TMEM182: variants seen among roughly 807,000 people sequenced by gnomAD.
The protein encoded by TMEM182 is transmembrane protein 182.
A neutral mutation model predicts 26.8 loss-of-function variants in TMEM182; 20 were observed. The ratio of observed to expected loss-of-function variants is 0.75; its 90% confidence interval spans 0.53 to 1.09. The LOEUF (loss-of-function observed/expected upper bound fraction) is 1.09. TMEM182 is among the 50% of genes least tolerant of loss of function. The pLI is 0.00. For synonymous variants in TMEM182, 109 were observed against 102.2 expected (o/e 1.07, Z -0.40); for missense variants, 277 against 275.5 (o/e 1.01, Z -0.04).
At chr2:102,785,422 A>G (rs1681349207) in intron 3 of TMEM182, among the ~76,000 whole-genome samples, 1 of 152,212 alleles carries the variant, frequency 6.6e-6, no homozygotes, top group African/African-American at 2.4e-5. Context: ...GACGATAGCC[A>G]TCTAATTGTA....
intron 4 of TMEM182, among the ~76,000 whole-genome samples, chr2:102,802,641 G>A (rs764300590): frequency 2.0e-5 from 3 of 152,198 alleles, no homozygotes; most frequent in Non-Finnish European, 2.9e-5. Flanking sequence ...GGAAGTGTTA[G>A]GATGGGTAGG....
At position 102,815,214 on chromosome 2, in the gene TMEM182, T is replaced by C; in HGVS notation, c.*246T>C. On this transcript the variant is annotated 3_prime_UTR_variant, in exon 5 of 5. Transcript: ENST00000412401. Reference sequence around the variant, plus strand: ...TCTTTAGGGAATAGGTAAACAGGTCTCCCTTTCATTGAACATGTTAGAGTT... The same window carrying C: ...TCTTTAGGGAATAGGTAAACAGGTCCCCCTTTCATTGAACATGTTAGAGTT... 2 of 1,292,432 alleles carry C rather than the reference T, an allele frequency of 1.5e-6. No homozygotes were observed. Among genetic ancestry groups the C allele is most frequent in the Non-Finnish European group, 2.0e-6 (2 of 1,018,676 alleles). The allele number at this position is 1,292,432 out of a possible 1,614,324, so 80.1% of individuals were successfully genotyped here.
intron 1 of TMEM182, among the ~76,000 whole-genome samples, chr2:102,743,382 C>A (rs1415483615): frequency 6.6e-6 from 1 of 152,074 alleles, no homozygotes; most frequent in Non-Finnish European, 1.5e-5. Flanking sequence ...CCTGTAGTCC[C>A]AGCTACTCGG....
At chr2:102,763,252 C>T (rs934440924) in intron 2 of TMEM182, among the ~76,000 whole-genome samples, 1 of 152,122 alleles carries the variant, frequency 6.6e-6, no homozygotes, top group African/African-American at 2.4e-5. Context: ...TTTGTGTTCT[C>T]ATTGAAACTT....
At chr2:102,790,146 A>G (rs1443625612) in intron 3 of TMEM182, among the ~76,000 whole-genome samples, 1 of 152,270 alleles carries the variant, frequency 6.6e-6, no homozygotes, top group African/African-American at 2.4e-5. Context: ...ATTATGTCTT[A>G]CTCTGGCAGT....
At chr2:102,818,588 G>T (rs978053335), downstream of TMEM182, among the ~76,000 whole-genome samples, 1 of 152,100 alleles carries the variant, frequency 6.6e-6, no homozygotes, top group African/African-American at 2.4e-5. Flanking sequence ...GGAGATGCCC[G>T]AGGAGACCCA....
chr2:102,830,798 A>G (rs1683135432), intron 3 of TMEM182, among the ~76,000 whole-genome samples: 1 of 152,076 alleles, frequency 6.6e-6, no homozygotes, highest in Admixed American at 6.6e-5. Flanking sequence ...TTCATTCTTT[A>G]TAACTATTTT....
chr2:102,830,836 T>C (rs1683136025), intron 3 of TMEM182, among the ~76,000 whole-genome samples: 1 of 152,132 alleles, frequency 6.6e-6, no homozygotes, highest in South Asian at 2.1e-4. Context: ...CATCCTCACC[T>C]CCACCCTCCC....
chr2:102,835,829 T>A (rs1008005160), intron 3 of TMEM182, among the ~76,000 whole-genome samples: 1 of 151,390 alleles, frequency 6.6e-6, no homozygotes, highest in African/African-American at 2.4e-5. Context: ...GTATATCTCC[T>A]AATGCTATCC....
At chr2:102,737,895 T>A (rs1322374448) in intron 1 of TMEM182, among the ~76,000 whole-genome samples, 1 of 152,240 alleles carries the variant, frequency 6.6e-6, no homozygotes, top group Non-Finnish European at 1.5e-5. Context: ...GCTCAAAATC[T>A]CAATTTACTT....
intron 3 of TMEM182, among the ~76,000 whole-genome samples, chr2:102,767,677 G>A (rs1680508193): frequency 6.6e-6 from 1 of 151,998 alleles, no homozygotes; most frequent in South Asian, 2.1e-4. Flanking sequence ...GTAATTACTA[G>A]ATGCTTAAAA....
intron 4 of TMEM182, among the ~76,000 whole-genome samples, chr2:102,801,761 C>T (rs1040823936): frequency 1.3e-5 from 2 of 152,186 alleles, no homozygotes; most frequent in African/African-American, 4.8e-5. Context: ...GAGTACATTC[C>T]TTTGTGTCCT....
intron 3 of TMEM182, among the ~76,000 whole-genome samples, chr2:102,776,952 G>A (rs1253344515): frequency 6.6e-6 from 1 of 151,912 alleles, no homozygotes; most frequent in African/African-American, 2.4e-5. Flanking sequence ...TTCTTCTTTT[G>A]TGAGGCTTCT....
At chr2:102,833,028 G>A (rs12469241) in intron 3 of TMEM182, among the ~76,000 whole-genome samples, 6 of 152,094 alleles carry the variant, frequency 3.9e-5, no homozygotes, top group Admixed American at 3.9e-4. Flanking sequence ...ATTATTCTGA[G>A]CCCCTAATGG....
intron 3 of TMEM182, among the ~76,000 whole-genome samples, chr2:102,835,688 A>G (rs1683231904): frequency 6.6e-6 from 1 of 151,826 alleles, no homozygotes; most frequent in South Asian, 2.1e-4. Context: ...CTTTTTTTAA[A>G]TTTATTTAAT....
chr2:102,784,829 A>C (rs898147882), intron 3 of TMEM182, among the ~76,000 whole-genome samples: 4 of 152,192 alleles, frequency 2.6e-5, no homozygotes, highest in African/African-American at 9.6e-5. Flanking sequence ...GAGGACAACC[A>C]GAGGTCACTC....
At chr2:102,800,691 G>A (rs1261944076) in intron 4 of TMEM182, among the ~76,000 whole-genome samples, 1 of 151,466 alleles carries the variant, frequency 6.6e-6, no homozygotes, top group African/African-American at 2.4e-5. Context: ...TTTCAATAGA[G>A]GGAACATGTA....
rs191664408 is a variant in TMEM182, at chr2:102,766,873, T to C, written c.331+2446T>C. Among the ~76,000 whole-genome samples, 808 of 152,326 alleles carry C rather than the reference T, an allele frequency of 5.3e-3. 16 individuals carry two copies. Among genetic ancestry groups the C allele is most frequent in the African/African-American group, 0.019 (784 of 41,570 alleles). On this transcript the variant is annotated intron_variant, in intron 3 of 4. Coordinates refer to ENST00000412401, the MANE Select transcript of TMEM182 (RefSeq NM_144632.5). ...CAATTGCAGTTAGCCAATATTGAAT[T>C]CAGTGAAAATAATATAGTGGTGTAT...
chr2:102,831,664 C>T (rs762492386), intron 3 of TMEM182, among the ~76,000 whole-genome samples: 27 of 151,820 alleles, frequency 1.8e-4, no homozygotes, highest in Admixed American at 1.3e-3. Context: ...GGCTGAGGCA[C>T]GAGAATTGCT....
Sources: allele counts gnomAD v4.1 joint callset (sites outside exome capture counted in the v4.1 genomes callset), GRCh38; gene constraint gnomAD v4.1.1; transcripts MANE v1.5; gene names NCBI Gene and HGNC (gene_info 2026-07-23, HGNC 2026-07-21).